REXO1: variants seen among roughly 807,000 people sequenced by gnomAD.
The protein encoded by REXO1 is RNA exonuclease 1 homolog.
Under a neutral mutation model 102.6 loss-of-function variants are expected in REXO1, and 42 were observed. The ratio of observed to expected loss-of-function variants is 0.41; its 90% confidence interval spans 0.32 to 0.53. The LOEUF is 0.53. Among genes scored for constraint, REXO1 ranks in the 20% least tolerant of loss-of-function variants. The probability of loss-of-function intolerance (pLI) is 0.27; values close to 1 mark genes in which losing one functional copy is unlikely to be tolerated. For missense variants in REXO1, 1,819 were observed against 1,732.5 expected (o/e 1.05, Z -0.89); for synonymous variants, 908 against 779.1 (o/e 1.17, Z -2.76).
chr19:1,839,370 A>G (rs558317615), intron 1 of REXO1, among the ~76,000 whole-genome samples: 4 of 152,128 alleles, frequency 2.6e-5, no homozygotes, highest in Admixed American at 2.6e-4. Context: ...CCCGTCAGGC[A>G]CAGAGGACTA....
chr19:1,839,447 G>A lies in REXO1; in HGVS notation c.157+8755C>T, dbSNP rs562074363. ...GAGAAGCTGGAGTGGGCACCTCCACGGGGCGCTGCCCCTCAGCCAGGGGTT... is the reference window on the plus strand; with the variant it reads ...GAGAAGCTGGAGTGGGCACCTCCACAGGGCGCTGCCCCTCAGCCAGGGGTT... On this transcript the variant is annotated intron_variant, in intron 1 of 15. Transcript: ENST00000170168. Among the ~76,000 whole-genome samples, 363 of 152,108 alleles carry A rather than the reference G, an allele frequency of 2.4e-3. 2 individuals are homozygous for A. Among genetic ancestry groups the A allele is most frequent in the African/African-American group, 8.3e-3 (342 of 41,392 alleles).
chr19:1,833,265 G>A (rs1271858113), intron 1 of REXO1, among the ~76,000 whole-genome samples: 1 of 152,186 alleles, frequency 6.6e-6, no homozygotes, highest in Admixed American at 6.5e-5. Context: ...CAAGAGGAAG[G>A]ATCCGTGTGT....
rs368829792 is a variant in REXO1 at position 1,821,559 on chromosome 19, G to C, written c.2354C>G (p.Thr785Ser). 6.2e-7 allele frequency: 1 copy of C among 1,613,852 alleles called. No homozygotes were observed. Among genetic ancestry groups the C allele is most frequent in the East Asian group, 2.2e-5 (1 of 44,880 alleles). ...GTGGGCGATTCGCTTAGGGATGATG[G>C]TGGTGGTAGTCTTGGACGCCATCCC... ...LSGMASKTTTTIIPKRIAHSP... is the reference protein window; with the variant it reads ...LSGMASKTTTSIIPKRIAHSP... The change falls in exon 5 of 16, where the codon ACC becomes AGC. Residue 785 changes from threonine (T) to serine (S), a missense_variant. Physicochemically the swap from Thr to Ser is moderately conservative, Grantham distance 58. Transcript: ENST00000170168.
rs897663018 is a variant in REXO1 at position 1,841,717 on chromosome 19, GGGGGAGCGCTCT to G, written c.157+6473_157+6484del. Among the ~76,000 whole-genome samples, 186 of 152,152 alleles carry G rather than the reference GGGGGAGCGCTCT, an allele frequency of 1.2e-3. 1 individual carries two copies. The highest frequency in any genetic ancestry group is 3.8e-3 in the African/African-American group (158 of 41,514). On this transcript the variant is annotated intron_variant, in intron 1 of 15. Transcript: ENST00000170168. ...GACGGTAAAGCTGCACAGGGCTCTG[GGGGGAGCGCTCT>G]GGGGAGCGGCTCAGGCACTGCAAGA... is the stretch of plus-strand genomic sequence containing the variant.
At position 1,823,771 on chromosome 19, in the gene REXO1, C is replaced by A. The variant is rs867277685; in HGVS notation, c.2031G>T (p.Arg677Ser). 1 of 1,246,462 alleles carries A rather than the reference C, an allele frequency of 8.0e-7. No individual in the cohort carries two copies. The highest frequency in any genetic ancestry group is 3.1e-5 in the East Asian group (1 of 32,710). 77.2% of individuals were successfully genotyped at this position (1,246,462 alleles called of 1,614,324 possible). Residue 677 changes from arginine (R) to serine (S), a missense_variant, in exon 4 of 16, where the codon AGG becomes AGT. Transcript: ENST00000170168. ...GGGCCGGGGGCACCGCGGGACCCCT[C>A]CTCGGGGGCTCCACCTGCGTCACCA... Reference protein sequence around the residue: ...SKQGQEVEPPRRGPAVPPARP... With the variant: ...SKQGQEVEPPSRGPAVPPARP...
Position 1,815,285 on chromosome 19 carries a change from A to C in REXO1, c.*781T>G, listed in dbSNP as rs1212380536. The C allele has an allele frequency of 2.6e-5, 4 of 153,000 alleles. No homozygotes were observed. The highest frequency in any genetic ancestry group is 4.4e-5 in the Non-Finnish European group (3 of 68,710). The allele number at this position is 153,000 out of a possible 1,614,324, so 9.5% of individuals were successfully genotyped here. ...AAACATTTATTCTGTCCCTGCCTGG[A>C]GGTGAGGGGGAAGGGGGTCCGGAGA... On this transcript the variant is annotated 3_prime_UTR_variant, in exon 16 of 16. Transcript: ENST00000170168. This position sits in a 1 kb window ranked among gnomAD's most constrained non-coding sequence, Gnocchi z 4.0.
intron 13 of REXO1, 64 bp from the exon 14 acceptor site, chr19:1,816,633 G>GC: frequency 6.7e-7 from 1 of 1,481,944 alleles, no homozygotes; most frequent in Non-Finnish European, 9.4e-7. Flanking sequence ...TGGGGCGGGG[G>GC]AGGGTGGGTC....
At chr19:1,816,629 G>A (rs892840685) in intron 13 of REXO1, 60 bp from the exon 14 acceptor site, 137 of 1,585,288 alleles carry the variant, frequency 8.6e-5, no homozygotes, top group Non-Finnish European at 1.0e-4. Context: ...CTGGTGGGGC[G>A]GGGGAGGGTG....
chr19:1,815,633 A>T lies in REXO1; in HGVS notation c.*433T>A. On this transcript the variant is annotated 3_prime_UTR_variant, in exon 16 of 16. Coordinates refer to ENST00000170168, the MANE Select transcript of REXO1 (RefSeq NM_020695.4). The surrounding 1 kb of genome is among the most constrained non-coding windows in gnomAD (Gnocchi z 4.0). Reference sequence around the variant, plus strand: ...AGATGCTGTGCAAGTCATCAGGTTTAAATTAAAAATAATAAAAATAACAAT... The same window carrying T: ...AGATGCTGTGCAAGTCATCAGGTTTTAATTAAAAATAATAAAAATAACAAT... The T allele has an allele frequency of 8.8e-7, 1 of 1,131,322 alleles. No homozygotes were observed. The highest frequency in any genetic ancestry group is 1.1e-6 in the Non-Finnish European group (1 of 896,540). 70.1% of individuals were successfully genotyped at this position (1,131,322 alleles called of 1,614,324 possible). A position where few individuals can be genotyped will look rare whatever the true frequency, so the allele number is the denominator to read the frequency against.
rs569110498 is a variant in REXO1 at position 1,817,837 on chromosome 19, G to A, written c.3017-57C>T. On this transcript the variant is annotated intron_variant, in intron 10 of 15. Transcript: ENST00000170168. ...CGGCCAGGCCCACTCCACAGCCCCCGGGGCACTGACCACCTGCATCTACCG... is the reference window on the plus strand; with the variant it reads ...CGGCCAGGCCCACTCCACAGCCCCCAGGGCACTGACCACCTGCATCTACCG... The A allele has an allele frequency of 6.2e-5, 90 of 1,445,642 alleles. No homozygotes were observed. The Admixed American group carries it at 8.0e-4, about 13-fold the overall frequency. 89.6% of individuals were successfully genotyped at this position (1,445,642 alleles called of 1,614,324 possible).
chr19:1,828,028 C>A lies in REXO1; in HGVS notation c.761G>T (p.Arg254Leu). ...HLSRASSRDE[R>L]AAKRPRGSRG... ...GGAGCCCCGGGGCCGCTTGGCGGCC[C>A]GCTCATCCCGGGAGCTGGCCCTGCT... is the stretch of plus-strand genomic sequence containing the variant. Residue 254 changes from arginine (R) to leucine (L), a missense_variant, in exon 2 of 16, where the codon CGG (arginine) becomes CTG (leucine). Coordinates refer to ENST00000170168, the MANE Select transcript of REXO1 (RefSeq NM_020695.4). 1 of 1,612,770 alleles carries A rather than the reference C, an allele frequency of 6.2e-7. No individual in the cohort carries two copies. The highest frequency in any genetic ancestry group is 8.5e-7 in the Non-Finnish European group (1 of 1,179,676).
At chr19:1,824,710 G>A (rs759952292) in intron 3 of REXO1, among the ~76,000 whole-genome samples, 2 of 152,172 alleles carry the variant, frequency 1.3e-5, no homozygotes, top group African/African-American at 2.4e-5. Flanking sequence ...AATCACTGAT[G>A]CTTTACAAAA....
rs148047738 is a variant in REXO1, at chr19:1,816,802, T to C, written c.3213A>G (p.Thr1071=). The change falls in exon 13 of 16, where the codon ACA becomes ACG. Residue 1071 remains threonine, a synonymous_variant. Coordinates refer to ENST00000170168, the MANE Select transcript of REXO1 (RefSeq NM_020695.4). ...YALDCEMSYT[T]YGLELTRVTV... ...TGACGCGCGTCAGCTCCAGGCCATA[T>C]GTGGTGTAGGACTGCGGGCAAGGGA... 2.1e-5 allele frequency: 34 copies of C among 1,610,640 alleles called. No homozygotes were observed. The highest frequency in any genetic ancestry group is 1.3e-4 in the East Asian group (6 of 44,728).
chr19:1,835,626 C>T (rs8101970), intron 1 of REXO1, among the ~76,000 whole-genome samples: 42,951 of 152,068 alleles, frequency 0.28, 6,616 homozygotes, highest in East Asian at 0.42. Context: ...GTCCAGGCCC[C>T]GTCCCACGGC....
chr19:1,817,892 A>G (rs939180531), intron 10 of REXO1, 112 bp from the exon 11 acceptor site: 42 of 788,738 alleles, frequency 5.3e-5, no homozygotes, highest in Non-Finnish European at 8.3e-5. Flanking sequence ...GACTGAGGAC[A>G]GGAGGCCTCA....
chr19:1,819,088 C>A lies in REXO1; in HGVS notation c.2694G>T (p.Gly898=), dbSNP rs2069456421. The change falls in exon 8 of 16, where the codon GGG becomes GGT. Residue 898 remains glycine, a synonymous_variant. Coordinates refer to ENST00000170168, the MANE Select transcript of REXO1 (RefSeq NM_020695.4). ...RRVVSHEVVL[G]GRLAAKTSFS... ...AGCTGGTCTTGGCGGCCAACCTGCCCCCCAACACCACCTCGTGGGACACAA... is the reference window on the plus strand; with the variant it reads ...AGCTGGTCTTGGCGGCCAACCTGCCACCCAACACCACCTCGTGGGACACAA... 2 of 1,598,240 alleles carry A rather than the reference C, an allele frequency of 1.3e-6. No individual in the cohort carries two copies. The highest frequency in any genetic ancestry group is 1.7e-5 in the Admixed American group (1 of 57,936).
At chr19:1,835,033 C>G in intron 1 of REXO1, 1 of 396,022 alleles carries the variant, frequency 2.5e-6, no homozygotes, top group Non-Finnish European at 5.3e-6. Flanking sequence ...GCCTGGGGCT[C>G]GGCCATGGCT....
rs552533514 is a variant in REXO1 at position 1,827,606 on chromosome 19, C to T, written c.1183G>A (p.Gly395Arg). ...PAPSCKDGAQGKDKTKDKGRG... is the reference protein window; with the variant it reads ...PAPSCKDGAQRKDKTKDKGRG... ...CCCTTGTCCTTGGTCTTGTCCTTCC[C>T]CTGGGCCCCGTCTTTGCAGCTGGGG... is the stretch of plus-strand genomic sequence containing the variant. The change falls in exon 2 of 16, where the codon GGG becomes AGG. Residue 395 changes from glycine to arginine, a missense_variant. Transcript: ENST00000170168. 1.1e-5 allele frequency: 17 copies of T among 1,584,430 alleles called. No individual in the cohort carries two copies. The South Asian group carries it at 2.0e-4, about 18-fold the overall frequency.
chr19:1,826,392 G>GGGAGGGGAGGAGAAAGGAGCC lies in REXO1; in HGVS notation c.1911+465_1912-450dup, dbSNP rs561480764. Among the ~76,000 whole-genome samples the GGGAGGGGAGGAGAAAGGAGCC allele has an allele frequency of 3.1e-3, 474 of 151,830 alleles. 2 individuals carry two copies. Among genetic ancestry groups the GGGAGGGGAGGAGAAAGGAGCC allele is most frequent in the African/African-American group, 0.011 (462 of 41,312 alleles). The stretch of plus-strand genomic sequence containing the variant: ...CTCGCCACGCTGGGAGTAGGGAGGA[G>GGGAGGGGAGGAGAAAGGAGCC]GGAGGGGAGGAGAAAGGAGCCGGAG... On this transcript the variant is annotated intron_variant, in intron 2 of 15. Transcript: ENST00000170168. The surrounding 1 kb of genome is among the most constrained non-coding windows in gnomAD (Gnocchi z 4.3).
Sources: allele counts gnomAD v4.1 joint callset (sites outside exome capture counted in the v4.1 genomes callset), GRCh38; gene constraint gnomAD v4.1.1; non-coding constraint Gnocchi (gnomAD v3.1); transcripts MANE v1.5; gene names NCBI Gene and HGNC (gene_info 2026-07-23, HGNC 2026-07-21).